The following MCTP2 variants were observed in gnomAD, a reference collection of about 807,000 sequenced individuals.
MCTP2 encodes multiple C2 and transmembrane domain containing 2, also known as multiple C2 and transmembrane domain-containing protein 2.
Under a neutral mutation model 111.6 loss-of-function variants are expected in MCTP2, and 132 were observed. The ratio of observed to expected loss-of-function variants is 1.18; its 90% confidence interval spans 1.03 to 1.37. The LOEUF (loss-of-function observed/expected upper bound fraction) is 1.37. Among genes scored for constraint, MCTP2 ranks in the 40% most tolerant of loss-of-function variants. The pLI, the probability that MCTP2 is intolerant of heterozygous loss-of-function variation, is 0.00. For missense variants in MCTP2, 1,183 were observed against 1,067.9 expected (o/e 1.11, Z -1.50); for synonymous variants, 395 against 387.7 (o/e 1.02, Z -0.22).
At chr15:94,319,403 A>G (rs578019049) in intron 4 of MCTP2, among the ~76,000 whole-genome samples, 10 of 152,344 alleles carry the variant, frequency 6.6e-5, no homozygotes, top group African/African-American at 2.4e-4. Flanking sequence ...TTGGACCAAT[A>G]GTTCTCAAAA....
intron 1 of MCTP2, among the ~76,000 whole-genome samples, chr15:94,245,489 T>G (rs1375849581): frequency 1.4e-5 from 2 of 141,118 alleles, no homozygotes; most frequent in Non-Finnish European, 3.0e-5. Context: ...TATACATACA[T>G]GTATGTATTT....
chr15:94,460,959 G>A (rs1419531394), intron 20 of MCTP2, among the ~76,000 whole-genome samples: 1 of 151,084 alleles, frequency 6.6e-6, no homozygotes, highest in East Asian at 1.9e-4. Context: ...TTCAACTCTT[G>A]GCAACTGGCA....
intron 20 of MCTP2, among the ~76,000 whole-genome samples, chr15:94,462,707 T>C (rs1315125345): frequency 6.6e-6 from 1 of 152,136 alleles, no homozygotes; most frequent in Non-Finnish European, 1.5e-5. Flanking sequence ...ATTTTCTGAG[T>C]TCAAATCCCA....
chr15:94,362,713 T>G (rs2079001749), intron 10 of MCTP2, among the ~76,000 whole-genome samples: 1 of 152,196 alleles, frequency 6.6e-6, no homozygotes, highest in African/African-American at 2.4e-5. Context: ...AGCTGACCAG[T>G]CTGTAATATA....
intron 17 of MCTP2, among the ~76,000 whole-genome samples, chr15:94,417,838 A>T (rs1442131401): frequency 6.6e-6 from 1 of 152,140 alleles, no homozygotes; most frequent in Non-Finnish European, 1.5e-5. Flanking sequence ...ATCACTCACT[A>T]ATCACTATTG....
intron 21 of MCTP2, among the ~76,000 whole-genome samples, chr15:94,474,880 A>G (rs1250791275): frequency 6.6e-6 from 1 of 151,406 alleles, no homozygotes; most frequent in Non-Finnish European, 1.5e-5. Flanking sequence ...TCAAACATAG[A>G]TAGTCTCAGT....
chr15:94,336,944 C>T (rs115034801), intron 4 of MCTP2, among the ~76,000 whole-genome samples: 2,155 of 152,084 alleles, frequency 0.014, 43 homozygotes, highest in African/African-American at 0.047. Flanking sequence ...TTCTCCTCGC[C>T]GAGTACCACA....
chr15:94,430,931 G>A (rs1465790787), intron 17 of MCTP2, among the ~76,000 whole-genome samples: 2 of 152,010 alleles, frequency 1.3e-5, no homozygotes, highest in African/African-American at 4.8e-5. Flanking sequence ...TACCTCACAT[G>A]TAATTGCAAA....
intron 1 of MCTP2, among the ~76,000 whole-genome samples, chr15:94,293,935 A>G (rs1040033845): frequency 6.6e-6 from 1 of 152,254 alleles, no homozygotes; most frequent in Non-Finnish European, 1.5e-5. Flanking sequence ...TAGCAACTTT[A>G]TTTGTAAGAA....
At chr15:94,395,922 A>G (rs951364346) in intron 14 of MCTP2, among the ~76,000 whole-genome samples, 1 of 152,168 alleles carries the variant, frequency 6.6e-6, no homozygotes, top group Non-Finnish European at 1.5e-5. Flanking sequence ...GCTTTGTGAT[A>G]TATTTCTGAA....
chr15:94,308,408 A>G lies in MCTP2; in HGVS notation c.466-5874A>G, dbSNP rs1276177182. Reference sequence around the variant, plus strand: ...GTGAAAAGAGCAGCGTACCCAGGTCACTCAGGGGAAGCCCAACCTAGAGTG... The same window carrying G: ...GTGAAAAGAGCAGCGTACCCAGGTCGCTCAGGGGAAGCCCAACCTAGAGTG... On this transcript the variant is annotated intron_variant, in intron 2 of 22. Coordinates refer to ENST00000357742, the MANE Select transcript of MCTP2 (RefSeq NM_001385001.1). Among the ~76,000 whole-genome samples, 3 of 152,108 alleles carry G rather than the reference A, an allele frequency of 2.0e-5. No individual in the cohort carries two copies. The South Asian group carries it at 6.2e-4, about 32-fold the overall frequency.
At position 94,334,208 on chromosome 15, in the gene MCTP2, C is replaced by A. The variant is rs74028568; in HGVS notation, c.638-5082C>A. Among the ~76,000 whole-genome samples the A allele has an allele frequency of 3.1e-3, 479 of 152,236 alleles. 5 individuals carry two copies. The highest frequency in any genetic ancestry group is 0.011 in the African/African-American group (441 of 41,534). The stretch of plus-strand genomic sequence containing the variant: ...GATCATTCAGTTCTCAAAATGATCC[C>A]TTGAAGTTGATAGTTTTCTATCTCA... On this transcript the variant is annotated intron_variant, in intron 4 of 22. Transcript: ENST00000357742.
intron 4 of MCTP2, among the ~76,000 whole-genome samples, chr15:94,318,103 A>G (rs2076454974): frequency 6.6e-6 from 1 of 152,136 alleles, no homozygotes; most frequent in East Asian, 1.9e-4. Flanking sequence ...GATCCGGCAC[A>G]GTGTCCAGTG....
At chr15:94,309,570 C>T (rs1164126775) in intron 2 of MCTP2, among the ~76,000 whole-genome samples, 2 of 152,188 alleles carry the variant, frequency 1.3e-5, no homozygotes, top group African/African-American at 2.4e-5. Flanking sequence ...GGTATTCGTA[C>T]AGGATCACAT....
chr15:94,463,868 C>T (rs746744011), intron 20 of MCTP2, among the ~76,000 whole-genome samples: 31 of 152,002 alleles, frequency 2.0e-4, no homozygotes, highest in African/African-American at 6.0e-4. Context: ...GTTTATGTGG[C>T]GAATTATTTT....
chr15:94,347,767 G>A (rs1303060066), intron 8 of MCTP2, among the ~76,000 whole-genome samples: 1 of 152,100 alleles, frequency 6.6e-6, no homozygotes, highest in Non-Finnish European at 1.5e-5. Context: ...AATATTAACA[G>A]TGGTTATTTA....
rs35416438 is a variant in MCTP2, at chr15:94,367,725, C to A, written c.1422C>A (p.Ser474=). The part of the protein sequence containing the change: ...LVTLTPCAGV[S]VSDLCVCPLA... ...CACTTACACCCTGTGCGGGGGTCTC[C>A]GTCTCTGATCTGTGTGTCTGCCCCT... The change falls in exon 11 of 23, where the codon TCC becomes TCA. Residue 474 remains serine, a synonymous_variant. Coordinates refer to ENST00000357742, the MANE Select transcript of MCTP2 (RefSeq NM_001385001.1). The A allele has an allele frequency of 6.2e-7, 1 of 1,608,598 alleles. No homozygotes were observed. Among genetic ancestry groups the A allele is most frequent in the East Asian group, 2.3e-5 (1 of 44,332 alleles).
At chr15:94,453,735 A>G (rs1332644772) in intron 19 of MCTP2, among the ~76,000 whole-genome samples, 1 of 152,214 alleles carries the variant, frequency 6.6e-6, no homozygotes, top group Non-Finnish European at 1.5e-5. Flanking sequence ...ACATTTCTTA[A>G]GACAGTTGTT....
chr15:94,329,933 A>T (rs986019010), intron 4 of MCTP2, among the ~76,000 whole-genome samples: 1 of 152,182 alleles, frequency 6.6e-6, no homozygotes, highest in Non-Finnish European at 1.5e-5. Flanking sequence ...ACTGCACCTC[A>T]GTGCCATTGA....
Sources: allele counts gnomAD v4.1 joint callset (sites outside exome capture counted in the v4.1 genomes callset), GRCh38; gene constraint gnomAD v4.1.1; transcripts MANE v1.5; gene names NCBI Gene and HGNC (gene_info 2026-07-23, HGNC 2026-07-21).